PJA1: variants seen among roughly 807,000 people sequenced by gnomAD.
PJA1 encodes the protein praja ring finger ubiquitin ligase 1.
A neutral mutation model predicts 14.1 loss-of-function variants in PJA1; 5 were observed. That is an observed-to-expected ratio of 0.35 (90% confidence interval 0.18 to 0.74). PJA1 has a LOEUF of 0.74. Ranked by LOEUF, PJA1 falls within the 30% of genes least tolerant of loss-of-function variation. PJA1 has a pLI of 0.56. For synonymous variants in PJA1, 174 were observed against 190.9 expected, an observed-to-expected ratio of 0.91 and a Z score of 0.73; for missense variants, 394 against 482.6, an observed-to-expected ratio of 0.82 and a Z score of 1.72.
chrX:69,162,984 C>T lies in PJA1; in HGVS notation c.90G>A (p.Ser30=), dbSNP rs1020826812. The change falls in exon 2 of 2, where the codon TCG becomes TCA. Residue 30 remains serine (S), a synonymous_variant. Coordinates refer to ENST00000374571, the MANE Select transcript of PJA1 (RefSeq NM_001032396.4). ...CATTATCAATATTCAGGTTGGTTCC[C>T]GAACTCTCGCTGTCGTCCCAACTAC... ...TRRSWDDSES[S]GTNLNIDNED... 3.3e-6 allele frequency: 4 copies of T among 1,208,431 alleles called. No individual in the cohort carries two copies. The highest frequency in any genetic ancestry group is 1.8e-5 in the African/African-American group (1 of 56,664).
rs776536227 is a variant in PJA1, at chrX:69,163,128, G to A, written c.-55C>T. ...TGGCAATCCTTTCCCGCTGGCTCGT[G>A]GGTGGCCTGAAACTGACATAAGCAT... On this transcript the variant is annotated 5_prime_UTR_variant, in exon 2 of 2. Coordinates refer to ENST00000374571, the MANE Select transcript of PJA1 (RefSeq NM_001032396.4). 2 of 1,210,923 alleles carry A rather than the reference G, an allele frequency of 1.7e-6. No homozygotes were observed. The highest frequency in any genetic ancestry group is 1.7e-5 in the African/African-American group (1 of 57,507).
intron 1 of PJA1, 74 bp from the exon 2 acceptor site, chrX:69,163,214 C>A (rs763045220): frequency 8.3e-7 from 1 of 1,208,818 alleles, no homozygotes; most frequent in South Asian, 1.8e-5. Flanking sequence ...TTGGGCCATA[C>A]AGGCTTGCTA....
Position 69,161,346 on chromosome X carries a change from G to C in PJA1, c.1728C>G (p.Thr576=), listed in dbSNP as rs149969540. Reference sequence around the variant, plus strand: ...GGAACATGCAGCGGCACACGGGGCAGGTGCCTGACTTCTGAAGCCAGATGG... The same window carrying C: ...GGAACATGCAGCGGCACACGGGGCACGTGCCTGACTTCTGAAGCCAGATGG... The part of the protein sequence containing the change: ...CVSIWLQKSG[T]CPVCRCMFPP... The change falls in exon 2 of 2, where the codon ACC becomes ACG. Residue 576 remains threonine, a synonymous_variant. Coordinates refer to ENST00000374571, the MANE Select transcript of PJA1 (RefSeq NM_001032396.4). 192 of 1,191,175 alleles carry C rather than the reference G, an allele frequency of 1.6e-4. No individual in the cohort carries two copies. Among genetic ancestry groups the C allele is most frequent in the Non-Finnish European group, 2.1e-4 (184 of 883,633 alleles).
At position 69,164,730 on chromosome X, in the gene PJA1, C is replaced by G. The variant is rs1339756684; in HGVS notation, c.-68+642G>C. On this transcript the variant is annotated intron_variant, in intron 1 of 1. Transcript: ENST00000374571. ...GAAGGCTTCTGTGCGGGGGCGCGTG[C>G]TCGCGACACACGGGGGGTGGGGGGT... Among the ~76,000 whole-genome samples, 10 of 68,850 alleles carry G rather than the reference C, an allele frequency of 1.5e-4. No individual in the cohort carries two copies. In the Admixed American group the frequency reaches 2.2e-3, roughly 15 times the overall value. The allele number at this position is 68,850 out of a possible 115,157, so 59.8% of individuals were successfully genotyped here.
At position 69,161,462 on chromosome X, in the gene PJA1, T is replaced by A. The variant is rs1925014661; in HGVS notation, c.1612A>T (p.Met538Leu). 2.5e-6 allele frequency: 3 copies of A among 1,209,573 alleles called. No individual in the cohort carries two copies. The highest frequency in any genetic ancestry group is 3.4e-6 in the Non-Finnish European group (3 of 895,047). Residue 538 changes from methionine (M) to leucine (L), a missense_variant, in exon 2 of 2, where the codon ATG (methionine) becomes TTG (leucine). Transcript: ENST00000374571. Reference protein sequence around the residue: ...TEDHGAVGQEMCCPICCSEYV... With the variant: ...TEDHGAVGQELCCPICCSEYV... ...TCGCTACAGCAGATGGGGCAGCACA[T>A]CTCCTGACCAACTGCGCCATGATCT...
chrX:69,164,970 A>G (rs1925226111), intron 1 of PJA1, among the ~76,000 whole-genome samples: 1 of 111,821 alleles, frequency 8.9e-6, no homozygotes, highest in South Asian at 3.8e-4. Context: ...GCAAAACAAC[A>G]GCAAAATATG....
In PJA1 at chrX:69,163,013, G is replaced by C. The variant is rs1303491714; in HGVS notation, c.61C>G (p.Arg21Gly). Reference protein sequence around the residue: ...KRSRSPFSTTRRSWDDSESSG... With the variant: ...KRSRSPFSTTGRSWDDSESSG... Reference sequence around the variant, plus strand: ...CTCTCGCTGTCGTCCCAACTACGACGAGTAGTGGAAAATGGCGATCGGCTC... The same window carrying C: ...CTCTCGCTGTCGTCCCAACTACGACCAGTAGTGGAAAATGGCGATCGGCTC... Residue 21 changes from arginine (R) to glycine (G), a missense_variant, in exon 2 of 2, where the codon CGT becomes GGT. Arg to Gly is a moderately radical substitution (Grantham distance 125). This residue lies in a region of PJA1 where 378 missense variants were observed against 439.3 expected (regional missense o/e 0.86). Transcript: ENST00000374571. 8.3e-7 allele frequency: 1 copy of C among 1,211,183 alleles called. No homozygotes were observed. Among genetic ancestry groups the C allele is most frequent in the Non-Finnish European group, 1.1e-6 (1 of 895,449 alleles).
In PJA1 at chrX:69,161,189, G is replaced by C; in HGVS notation, c.*118C>G. ...TGGAAATAATCACGAGGAATCAATA[G>C]GTTTAGGCTAACTGACTGATTGGTT... is the stretch of plus-strand genomic sequence containing the variant. On this transcript the variant is annotated 3_prime_UTR_variant, in exon 2 of 2. Coordinates refer to ENST00000374571, the MANE Select transcript of PJA1 (RefSeq NM_001032396.4). 1 of 997,815 alleles carries C rather than the reference G, an allele frequency of 1.0e-6. No homozygotes were observed. Among genetic ancestry groups the C allele is most frequent in the Non-Finnish European group, 1.3e-6 (1 of 757,566 alleles). 82.2% of individuals were successfully genotyped at this position (997,815 alleles called of 1,213,427 possible).
At chrX:69,165,265 C>G (rs1002723963) in intron 1 of PJA1, 107 bp downstream of exon 1, 3 of 112,601 alleles carry the variant, frequency 2.7e-5, no homozygotes, top group African/African-American at 6.5e-5. Context: ...TTCCCAGGAA[C>G]CCCCCAAAAT....
At position 69,161,526 on chromosome X, in the gene PJA1, C is replaced by G; in HGVS notation, c.1548G>C (p.Lys516Asn). The change falls in exon 2 of 2, where the codon AAG (lysine) becomes AAC (asparagine). Residue 516 changes from lysine (K) to asparagine (N), a missense_variant. Coordinates refer to ENST00000374571, the MANE Select transcript of PJA1 (RefSeq NM_001032396.4). ...DVEVANPPAS[K>N]ESIDALPEIL... ...TCTCGGGAAGAGCGTCAATGCTCTC[C>G]TTGCTTGCTGGTGGATTGGCCACCT... 1 of 1,210,822 alleles carries G rather than the reference C, an allele frequency of 8.3e-7. No individual in the cohort carries two copies. Among genetic ancestry groups the G allele is most frequent in the Non-Finnish European group, 1.1e-6 (1 of 895,228 alleles).
chrX:69,163,239 C>G, intron 1 of PJA1, 99 bp from the exon 2 acceptor site: 2 of 1,202,586 alleles, frequency 1.7e-6, no homozygotes, highest in Non-Finnish European at 2.2e-6. Context: ...CCTGACCCAT[C>G]ACTCTGACTT....
At chrX:69,163,240 A>G in intron 1 of PJA1, 100 bp from the exon 2 acceptor site, 2 of 1,198,670 alleles carry the variant, frequency 1.7e-6, no homozygotes, top group Middle Eastern at 2.3e-4. Context: ...CTGACCCATC[A>G]CTCTGACTTA....
intron 1 of PJA1, among the ~76,000 whole-genome samples, chrX:69,165,114 G>T (rs1925232762): frequency 2.7e-5 from 3 of 111,310 alleles, no homozygotes; most frequent in Non-Finnish European, 3.8e-5. Context: ...AGCCACTCGA[G>T]TGGGGACCGC....
At position 69,162,876 on chromosome X, in the gene PJA1, A is replaced by G. The variant is rs779042826; in HGVS notation, c.198T>C (p.Tyr66=). Residue 66 remains tyrosine (Y), a synonymous_variant, in exon 2 of 2, where the codon TAT becomes TAC. Coordinates refer to ENST00000374571, the MANE Select transcript of PJA1 (RefSeq NM_001032396.4). ...CCTCCTCCTCACTATCATCTGCCCC[A>G]TAAGAGTCAATATGTCCATAGGCCA... The part of the protein sequence containing the change: ...RGMAYGHIDS[Y]GADDSEEEGA... The G allele has an allele frequency of 8.3e-7, 1 of 1,211,171 alleles. No homozygotes were observed. The highest frequency in any genetic ancestry group is 1.8e-5 in the South Asian group (1 of 56,881).
chrX:69,163,325 T>A, intron 1 of PJA1, 185 bp from the exon 2 acceptor site: 1 of 984,141 alleles, frequency 1.0e-6, no homozygotes, highest in Non-Finnish European at 1.4e-6. Flanking sequence ...GATGGGAAAG[T>A]AAAATCAGTT....
At position 69,161,964 on chromosome X, in the gene PJA1, G is replaced by C. The variant is rs375900316; in HGVS notation, c.1110C>G (p.Ala370=). 8.3e-7 allele frequency: 1 copy of C among 1,207,210 alleles called. No individual in the cohort carries two copies. Among genetic ancestry groups the C allele is most frequent in the Non-Finnish European group, 1.1e-6 (1 of 894,277 alleles). Residue 370 remains alanine, a synonymous_variant, in exon 2 of 2, where the codon GCC becomes GCG. Transcript: ENST00000374571. ...TSPGPGASAS[A]GAGAGASAGS... ...CAGCACTGGCCCCGGCGCCAGCCCC[G>C]GCACTGGCACTAGCACCGGGGCCAG...
rs772315285 is a variant in PJA1, at chrX:69,162,413, CA to C, written c.660del (p.Phe220LeufsTer59). 1 of 1,210,805 alleles carries C rather than the reference CA, an allele frequency of 8.3e-7. No individual in the cohort carries two copies. On this transcript the variant is annotated frameshift_variant, in exon 2 of 2. Coordinates refer to ENST00000374571, the MANE Select transcript of PJA1 (RefSeq NM_001032396.4). LOFTEE classifies it low-confidence loss of function (END_TRUNC). The stretch of plus-strand genomic sequence containing the variant: ...GGCATATCGTCATCATCATCAGTAT[CA>C]AAAAAAATTTTTGGTTTCACGCAGT... Reference protein sequence around the residue: ...SPNCVKPKIFFDTDDDDDMPH... With the variant: ...SPNCVKPKIFXDTDDDDDMPH...
Position 69,161,368 on chromosome X carries a change from A to G in PJA1, c.1706T>C (p.Ile569Thr). ...GCAGGTGCCTGACTTCTGAAGCCAGATGGACACACACGGCTTGTGGAAATA... is the reference window on the plus strand; with the variant it reads ...GCAGGTGCCTGACTTCTGAAGCCAGGTGGACACACACGGCTTGTGGAAATA... ...HHYFHKPCVS[I>T]WLQKSGTCPV... Residue 569 changes from isoleucine (I) to threonine (T), a missense_variant, in exon 2 of 2, where the codon ATC becomes ACC. Ile to Thr is a moderately conservative substitution (Grantham distance 89). Transcript: ENST00000374571. 7.5e-6 allele frequency: 9 copies of G among 1,203,734 alleles called. No homozygotes were observed. The highest frequency in any genetic ancestry group is 9.0e-6 in the Non-Finnish European group (8 of 890,494).
rs1241079010 is a variant in PJA1, at chrX:69,162,530, G to A, written c.544C>T (p.Pro182Ser). 3 of 1,211,579 alleles carry A rather than the reference G, an allele frequency of 2.5e-6. No individual in the cohort carries two copies. The highest frequency in any genetic ancestry group is 1.7e-5 in the African/African-American group (1 of 57,712). ...TCCCCACCACCACAAATACTCACAG[G>A]AGCCCTGCTGGGACGTGCAGGTAAA... ...QNLPARPSRAPVSICGGGENT... is the reference protein window; with the variant it reads ...QNLPARPSRASVSICGGGENT... Residue 182 changes from proline to serine, a missense_variant, in exon 2 of 2, where the codon CCT becomes TCT. Transcript: ENST00000374571.
Sources: allele counts gnomAD v4.1 joint callset (sites outside exome capture counted in the v4.1 genomes callset), GRCh38; gene constraint gnomAD v4.1.1; regional missense constraint gnomAD v4.1.1; transcripts MANE v1.5; gene names NCBI Gene and HGNC (gene_info 2026-07-23, HGNC 2026-07-21).